KCNH7: variants seen among roughly 807,000 people sequenced by gnomAD.
KCNH7 encodes the protein potassium voltage-gated channel subfamily H member 7.
In KCNH7, 49 loss-of-function variants were observed where a neutral mutation model predicts 120.8. That is an observed-to-expected ratio of 0.41 (90% CI 0.32 to 0.51). The LOEUF is 0.51. Among genes scored for constraint, KCNH7 ranks in the 20% least tolerant of loss-of-function variants. The pLI is 0.38. For missense variants in KCNH7, 1,097 were observed against 1,446.6 expected (o/e 0.76, Z 3.92); for synonymous variants, 547 against 516.1 (o/e 1.06, Z -0.81).
At chr2:162,474,596 T>G (rs914993226) in intron 6 of KCNH7, among the ~76,000 whole-genome samples, 6 of 152,154 alleles carry the variant, frequency 3.9e-5, no homozygotes, top group Non-Finnish European at 8.8e-5. Context: ...ATAGCAGAGG[T>G]GAAAAGATGT....
In KCNH7 at chr2:162,433,217, C is replaced by T. The variant is rs187806764; in HGVS notation, c.1954+1981G>A. The stretch of plus-strand genomic sequence containing the variant: ...TGTCCATACTCCCCAAAGCAATTTA[C>T]AGATTCAATGCTATTCCTACCAAAC... On this transcript the variant is annotated intron_variant, in intron 8 of 15. Coordinates refer to ENST00000332142, the MANE Select transcript of KCNH7 (RefSeq NM_033272.4). 6.6e-5 allele frequency among the ~76,000 whole-genome samples: 10 copies of T among 152,124 alleles called. No homozygotes were observed. In the East Asian group the frequency reaches 1.9e-3, roughly 29 times the overall value.
At chr2:162,670,204 A>G (rs1476007564) in intron 2 of KCNH7, among the ~76,000 whole-genome samples, 2 of 150,846 alleles carry the variant, frequency 1.3e-5, no homozygotes, top group African/African-American at 4.9e-5. Context: ...CAGGCATGGT[A>G]GCTCATGCCT....
At chr2:162,683,399 T>A (rs955940298) in intron 2 of KCNH7, among the ~76,000 whole-genome samples, 4 of 151,900 alleles carry the variant, frequency 2.6e-5, no homozygotes, top group African/African-American at 9.7e-5. Flanking sequence ...AGTTACAGTA[T>A]TTTAGTGATG....
At chr2:162,742,753 A>C (rs1469395305) in intron 2 of KCNH7, among the ~76,000 whole-genome samples, 1 of 152,202 alleles carries the variant, frequency 6.6e-6, no homozygotes, top group Non-Finnish European at 1.5e-5. Flanking sequence ...CCTATGATAT[A>C]GATGGTACTC....
At chr2:162,722,885 T>A (rs1687378208) in intron 2 of KCNH7, among the ~76,000 whole-genome samples, 1 of 149,852 alleles carries the variant, frequency 6.7e-6, no homozygotes, top group South Asian at 2.1e-4. Flanking sequence ...ACTTTTTTTT[T>A]AACCTAATCT....
intron 13 of KCNH7, among the ~76,000 whole-genome samples, chr2:162,384,479 A>C (rs1442444044): frequency 6.6e-6 from 1 of 151,830 alleles, no homozygotes; most frequent in African/African-American, 2.4e-5. Flanking sequence ...AAAACCTCTC[A>C]CTCTATAAGT....
At chr2:162,538,464 T>C (rs1261230237) in intron 2 of KCNH7, among the ~76,000 whole-genome samples, 1 of 151,918 alleles carries the variant, frequency 6.6e-6, no homozygotes, top group Non-Finnish European at 1.5e-5. Context: ...TAGTCTGGCA[T>C]GAAACATCAG....
chr2:162,637,913 A>G (rs1462679782), intron 2 of KCNH7, among the ~76,000 whole-genome samples: 1 of 152,078 alleles, frequency 6.6e-6, no homozygotes, highest in East Asian at 1.9e-4. Flanking sequence ...TGATAGTATC[A>G]TGTGAGAAAT....
chr2:162,675,074 A>G (rs1685486393), intron 2 of KCNH7, among the ~76,000 whole-genome samples: 1 of 151,648 alleles, frequency 6.6e-6, no homozygotes, highest in Non-Finnish European at 1.5e-5. Context: ...TTAAGACTAC[A>G]ATAAACAGCC....
chr2:162,754,866 T>C (rs1377760320), intron 2 of KCNH7, among the ~76,000 whole-genome samples: 1 of 152,142 alleles, frequency 6.6e-6, no homozygotes, highest in Non-Finnish European at 1.5e-5. Context: ...GTGGAGTGCT[T>C]AGAACAAGAG....
intron 2 of KCNH7, among the ~76,000 whole-genome samples, chr2:162,727,116 A>G (rs142907476): frequency 2.6e-5 from 4 of 152,320 alleles, no homozygotes; most frequent in African/African-American, 9.6e-5. Flanking sequence ...AAACATACCT[A>G]TCTATGTCTC....
chr2:162,575,994 A>G (rs566417311), intron 2 of KCNH7, among the ~76,000 whole-genome samples: 2 of 152,182 alleles, frequency 1.3e-5, no homozygotes, highest in Admixed American at 6.5e-5. Flanking sequence ...TCCATATACA[A>G]CTTTGAGAAC....
At chr2:162,624,970 T>TCACCTC (rs1413536232) in intron 2 of KCNH7, among the ~76,000 whole-genome samples, 4 of 140,380 alleles carry the variant, frequency 2.8e-5, no homozygotes, top group South Asian at 2.4e-4. Context: ...TGATCTAGGC[T>TCACCTC]CACCTCCACC....
chr2:162,417,449 T>C (rs1323692896), intron 9 of KCNH7, among the ~76,000 whole-genome samples: 2 of 152,166 alleles, frequency 1.3e-5, no homozygotes, highest in Non-Finnish European at 2.9e-5. Flanking sequence ...GAAATTCCAC[T>C]CTACAGTTCT....
At chr2:162,475,511 C>T (rs898582091) in intron 6 of KCNH7, among the ~76,000 whole-genome samples, 1 of 152,192 alleles carries the variant, frequency 6.6e-6, no homozygotes, top group African/African-American at 2.4e-5. Context: ...AGAAACCACA[C>T]ATCTTACAAT....
intron 5 of KCNH7, among the ~76,000 whole-genome samples, chr2:162,506,554 T>C (rs1186337900): frequency 6.6e-6 from 1 of 151,860 alleles, no homozygotes; most frequent in Non-Finnish European, 1.5e-5. Flanking sequence ...AGATTATAGA[T>C]AACAGAGATC....
chr2:162,651,315 G>A (rs1253669878), intron 2 of KCNH7, among the ~76,000 whole-genome samples: 2 of 152,050 alleles, frequency 1.3e-5, no homozygotes, highest in South Asian at 2.1e-4. Flanking sequence ...CATCAACCAG[G>A]CATTAAGCCC....
At chr2:162,489,554 T>C (rs1189672353) in intron 6 of KCNH7, among the ~76,000 whole-genome samples, 1 of 152,188 alleles carries the variant, frequency 6.6e-6, no homozygotes, top group Non-Finnish European at 1.5e-5. Flanking sequence ...ATCTAAGATC[T>C]CAAAACTCAA....
intron 3 of KCNH7, among the ~76,000 whole-genome samples, chr2:162,529,338 G>C (rs1289716477): frequency 1.3e-5 from 2 of 151,928 alleles, no homozygotes; most frequent in Non-Finnish European, 2.9e-5. Context: ...AGCTGTTACA[G>C]AGGTGGAAAG....
Sources: allele counts gnomAD v4.1 joint callset (sites outside exome capture counted in the v4.1 genomes callset), GRCh38; gene constraint gnomAD v4.1.1; transcripts MANE v1.5; gene names NCBI Gene and HGNC (gene_info 2026-07-23, HGNC 2026-07-21).